The following DUS2 variants were observed in gnomAD, a reference collection of about 807,000 sequenced individuals.
The protein encoded by DUS2 is dihydrouridine synthase 2.
A neutral mutation model predicts 71.3 loss-of-function variants in DUS2; 52 were observed. The observed-to-expected ratio is 0.73, with a 90% confidence interval of 0.58 to 0.92. DUS2 has a LOEUF of 0.92. Among genes scored for constraint, DUS2 ranks in the 40% least tolerant of loss-of-function variants. The pLI is 0.00. For synonymous variants in DUS2, 204 were observed against 227.8 expected (o/e 0.90, Z 0.94); for missense variants, 558 against 622.6 (o/e 0.90, Z 1.10).
intron 2 of DUS2, among the ~76,000 whole-genome samples, chr16:68,025,978 C>T (rs2033343248): frequency 6.6e-6 from 1 of 152,076 alleles, no homozygotes; most frequent in Non-Finnish European, 1.5e-5. Flanking sequence ...GTGGAGTTTA[C>T]ATTCTGATTT....
chr16:68,070,772 C>T (rs1567481728), intron 11 of DUS2, among the ~76,000 whole-genome samples, 168 bp from the exon 12 acceptor site: 1 of 152,238 alleles, frequency 6.6e-6, no homozygotes, highest in Non-Finnish European at 1.5e-5. Flanking sequence ...CTCCTAACTT[C>T]ATAATGGGAT....
chr16:68,037,610 G>A (rs1198179927), intron 2 of DUS2, among the ~76,000 whole-genome samples: 1 of 151,724 alleles, frequency 6.6e-6, no homozygotes, highest in African/African-American at 2.4e-5. Context: ...GTAGAGATAG[G>A]GTTTCACCAT....
chr16:68,073,394 C>T (rs935329426), intron 12 of DUS2, among the ~76,000 whole-genome samples: 1 of 151,250 alleles, frequency 6.6e-6, no homozygotes, highest in Non-Finnish European at 1.5e-5. Context: ...GCCTTAGCCT[C>T]CCTAGTAGCT....
At chr16:68,042,375 A>G in intron 3 of DUS2, among the ~76,000 whole-genome samples, 1 of 152,194 alleles carries the variant, frequency 6.6e-6, no homozygotes, top group Admixed American at 6.6e-5. Context: ...TTTTGATTAT[A>G]TATCCGGAAG....
intron 8 of DUS2, among the ~76,000 whole-genome samples, chr16:68,062,467 C>A (rs1050701019): frequency 2.6e-5 from 4 of 151,904 alleles, no homozygotes; most frequent in Admixed American, 2.6e-4. Context: ...TGCCTGTAAT[C>A]CCAGCACTTT....
intron 2 of DUS2, among the ~76,000 whole-genome samples, chr16:68,033,987 T>C (rs2033479733): frequency 6.6e-6 from 1 of 152,056 alleles, no homozygotes; most frequent in Admixed American, 6.6e-5. Context: ...AGGCTGATCT[T>C]GAACTCCTGA....
intron 2 of DUS2, among the ~76,000 whole-genome samples, chr16:68,028,940 G>A (rs1203897456): frequency 1.3e-5 from 2 of 152,072 alleles, no homozygotes; most frequent in East Asian, 1.9e-4. Flanking sequence ...AGTGGGTCAC[G>A]CCTGATTCCA....
intron 2 of DUS2, among the ~76,000 whole-genome samples, chr16:68,026,692 C>T (rs1213145416): frequency 2.6e-5 from 4 of 152,104 alleles, no homozygotes; most frequent in Non-Finnish European, 4.4e-5. Context: ...GTCTGGCAAA[C>T]GTGGTGAAAC....
chr16:68,046,445 CT>C (rs2033702725), intron 3 of DUS2, among the ~76,000 whole-genome samples: 2 of 151,708 alleles, frequency 1.3e-5, no homozygotes, highest in Admixed American at 1.3e-4. Flanking sequence ...GTGGCACGAT[CT>C]CAGCTCACTG....
intron 3 of DUS2, among the ~76,000 whole-genome samples, chr16:68,043,571 T>C (rs2033661644): frequency 6.6e-6 from 1 of 152,230 alleles, no homozygotes; most frequent in Non-Finnish European, 1.5e-5. Context: ...CATCTTTTTA[T>C]ATGCTTTTTT....
chr16:68,052,214 C>A (rs541325944), intron 4 of DUS2, among the ~76,000 whole-genome samples: 1 of 152,108 alleles, frequency 6.6e-6, no homozygotes, highest in Non-Finnish European at 1.5e-5. Flanking sequence ...CCACTTGGGA[C>A]CATTTTAAAC....
intron 3 of DUS2, among the ~76,000 whole-genome samples, chr16:68,040,988 T>G (rs932877245): frequency 1.3e-5 from 2 of 152,172 alleles, no homozygotes; most frequent in South Asian, 4.1e-4. Flanking sequence ...CCCAGCACTT[T>G]GGGAGGCCAA....
intron 12 of DUS2, among the ~76,000 whole-genome samples, chr16:68,072,345 T>C (rs1025371659): frequency 1.3e-5 from 2 of 152,236 alleles, no homozygotes; most frequent in Non-Finnish European, 2.9e-5. Flanking sequence ...AAGGGAGGGC[T>C]TGCCCCAGCC....
intron 2 of DUS2, among the ~76,000 whole-genome samples, chr16:68,026,435 C>T (rs1213011008): frequency 6.6e-6 from 1 of 152,174 alleles, no homozygotes; most frequent in African/African-American, 2.4e-5. Context: ...ATTTTCCCAC[C>T]TGTAGCAGGG....
intron 13 of DUS2, among the ~76,000 whole-genome samples, chr16:68,074,992 C>T (rs1354052948): frequency 6.6e-6 from 1 of 152,200 alleles, no homozygotes; most frequent in East Asian, 1.9e-4. Flanking sequence ...GCCTCTGTCT[C>T]TTCCTCCCAT....
Position 68,066,547 on chromosome 16 carries a change from G to A in DUS2, c.484-19G>A. The A allele has an allele frequency of 6.2e-7, 1 of 1,613,838 alleles. No individual in the cohort carries two copies. Among genetic ancestry groups the A allele is most frequent in the Non-Finnish European group, 8.5e-7 (1 of 1,179,690 alleles). On this transcript the variant is annotated intron_variant, in intron 9 of 16. Transcript: ENST00000565263. ...CTTCTGGAGCTTCAGTAACCATCCTGTGTGGTCCTCCTCCTCAGCTAGAAG... is the reference window on the plus strand; with the variant it reads ...CTTCTGGAGCTTCAGTAACCATCCTATGTGGTCCTCCTCCTCAGCTAGAAG...
chr16:68,040,767 A>T (rs180832674), intron 3 of DUS2, among the ~76,000 whole-genome samples: 9 of 143,100 alleles, frequency 6.3e-5, no homozygotes, highest in Admixed American at 3.5e-4. Context: ...TGGTGGATCC[A>T]TGGTTGTTTT....
intron 12 of DUS2, 63 bp from the exon 13 acceptor site, chr16:68,073,971 A>G: frequency 1.9e-6 from 3 of 1,601,494 alleles, no homozygotes; most frequent in Non-Finnish European, 2.6e-6. Flanking sequence ...TTTCCCTGCC[A>G]TCAGAGCATA....
At chr16:68,060,981 G>T in intron 7 of DUS2, 85 bp from the exon 8 acceptor site, 1 of 1,351,176 alleles carries the variant, frequency 7.4e-7, no homozygotes, top group South Asian at 1.2e-5. Flanking sequence ...GTGCCGGGGT[G>T]ACGCTCAGTT....
Sources: allele counts gnomAD v4.1 joint callset (sites outside exome capture counted in the v4.1 genomes callset), GRCh38; gene constraint gnomAD v4.1.1; transcripts MANE v1.5; gene names NCBI Gene and HGNC (gene_info 2026-07-23, HGNC 2026-07-21).